Variants in DYNC2LI1 observed in about 807,000 individuals in gnomAD.
DYNC2LI1 encodes cytoplasmic dynein 2 light intermediate chain 1.
Under a neutral mutation model 51.9 loss-of-function variants are expected in DYNC2LI1, and 45 were observed. The ratio of observed to expected loss-of-function variants is 0.87; its 90% confidence interval spans 0.68 to 1.11. The LOEUF is 1.11. Ranked by LOEUF, DYNC2LI1 falls within the 50% of genes most tolerant of loss-of-function variation. The pLI, the probability that DYNC2LI1 is intolerant of heterozygous loss-of-function variation, is 0.00. For missense variants in DYNC2LI1, 490 were observed against 417.4 expected, an observed-to-expected ratio of 1.17 and a Z score of -1.51; for synonymous variants, 130 against 137.8, an observed-to-expected ratio of 0.94 and a Z score of 0.40.
At chr2:43,798,562 T>C (rs1665969473) in intron 8 of DYNC2LI1, among the ~76,000 whole-genome samples, 1 of 152,196 alleles carries the variant, frequency 6.6e-6, no homozygotes. Flanking sequence ...TAGGAACAGA[T>C]TACATTTGAT....
At chr2:43,776,623 A>G (rs901237244) in intron 1 of DYNC2LI1, among the ~76,000 whole-genome samples, 159 bp from the exon 2 acceptor site, 8 of 152,240 alleles carry the variant, frequency 5.3e-5, no homozygotes, top group African/African-American at 1.9e-4. Context: ...AAAATCATAG[A>G]ATGACTAATC....
downstream of DYNC2LI1, chr2:43,813,343 G>T: frequency 6.1e-6 from 9 of 1,468,718 alleles, no homozygotes; most frequent in Non-Finnish European, 8.6e-6. Context: ...GTCAGGTGTG[G>T]TTTATCTCAG....
At chr2:43,792,675 G>A (rs904823504) in intron 5 of DYNC2LI1, 1 of 1,540,410 alleles carries the variant, frequency 6.5e-7, no homozygotes, top group Non-Finnish European at 8.7e-7. Context: ...TCCTTCCCCA[G>A]CTCCTGGCAA....
intron 4 of DYNC2LI1, among the ~76,000 whole-genome samples, chr2:43,789,378 A>T (rs1036215587): frequency 3.9e-5 from 6 of 152,172 alleles, no homozygotes; most frequent in African/African-American, 1.4e-4. Flanking sequence ...CGCACTGTTG[A>T]TGTCTTCTGT....
the DYNC2LI1 span, chr2:43,823,917 A>T: frequency 1.4e-5 from 23 of 1,613,978 alleles, no homozygotes; most frequent in Admixed American, 2.0e-4. Flanking sequence ...ACTTACACAG[A>T]TTCACAGCGT....
At chr2:43,800,804 A>C in intron 8 of DYNC2LI1, 37 bp from the exon 9 acceptor site, 2 of 1,196,632 alleles carry the variant, frequency 1.7e-6, no homozygotes, top group Non-Finnish European at 2.4e-6. Flanking sequence ...TGATTGGAAA[A>C]TAGAGCATGT....
chr2:43,810,124 C>T, downstream of DYNC2LI1: 1 of 357,704 alleles, frequency 2.8e-6, no homozygotes, highest in South Asian at 1.1e-4. Flanking sequence ...GTTAAGTGCC[C>T]ACGTTAGACA....
chr2:43,813,245 A>G (rs1338184024), downstream of DYNC2LI1: 2 of 1,613,964 alleles, frequency 1.2e-6, no homozygotes, highest in Non-Finnish European at 1.7e-6. Context: ...AGGTTTTCTC[A>G]ATGAATTGAA....
chr2:43,799,530 C>A (rs1666005275), intron 8 of DYNC2LI1, among the ~76,000 whole-genome samples: 1 of 152,130 alleles, frequency 6.6e-6, no homozygotes, highest in African/African-American at 2.4e-5. Context: ...AAAAAGGAAT[C>A]AATAGAGTTT....
chr2:43,794,284 ATAAATAAG>A, intron 5 of DYNC2LI1, 165 bp from the exon 6 acceptor site: 1 of 599,106 alleles, frequency 1.7e-6, no homozygotes, highest in Non-Finnish European at 2.8e-6. Context: ...AAGTATTGGA[ATAAATAAG>A]GCTATGACTT....
intron 2 of DYNC2LI1, chr2:43,781,789 A>G (rs1427696005): frequency 6.6e-6 from 1 of 151,800 alleles, no homozygotes; most frequent in Non-Finnish European, 1.5e-5. Flanking sequence ...TTTTTAGTAG[A>G]GTTGGGGTTT....
Position 43,774,066 on chromosome 2 carries a change from G to A in DYNC2LI1, c.-73G>A, listed in dbSNP as rs574834602. The A allele has an allele frequency of 9.4e-6, 15 of 1,601,934 alleles. No homozygotes were observed. In the East Asian group the frequency reaches 2.0e-4, roughly 22 times the overall value. ...AAGGCCTCACTCCCAGACTCCTTGC[G>A]GAGCTCGCCGCCTGATTCTAGGCTG... On this transcript the variant is annotated 5_prime_UTR_variant, in exon 1 of 13. Coordinates refer to ENST00000260605, the MANE Select transcript of DYNC2LI1 (RefSeq NM_016008.4).
chr2:43,820,868 G>T, the DYNC2LI1 span, among the ~76,000 whole-genome samples: 1 of 152,090 alleles, frequency 6.6e-6, no homozygotes, highest in African/African-American at 2.4e-5. Flanking sequence ...TGGCCAGGCT[G>T]GTCTTGAACT....
At chr2:43,783,328 A>G (rs764679026) in intron 2 of DYNC2LI1, among the ~76,000 whole-genome samples, 192 bp from the exon 3 acceptor site, 3 of 152,206 alleles carry the variant, frequency 2.0e-5, no homozygotes, top group Admixed American at 6.5e-5. Context: ...TTACACTGTG[A>G]TGGAAAGTTG....
the DYNC2LI1 span, chr2:43,824,257 A>G: frequency 6.2e-7 from 1 of 1,614,222 alleles, no homozygotes; most frequent in Non-Finnish European, 8.5e-7. Context: ...CTCCAGGAGA[A>G]TCTTTGGTTT....
chr2:43,781,445 G>A (rs984662903), intron 2 of DYNC2LI1, among the ~76,000 whole-genome samples: 1 of 151,360 alleles, frequency 6.6e-6, no homozygotes, highest in Non-Finnish European at 1.5e-5. Context: ...TGAGGAAATT[G>A]GCTAGATATT....
At chr2:43,812,468 T>C (rs1028823603), downstream of DYNC2LI1, 2 of 152,320 alleles carry the variant, frequency 1.3e-5, no homozygotes, top group Admixed American at 1.3e-4. Context: ...CTGGTGTGCT[T>C]TGTTCACTGT....
chr2:43,792,797 C>CT, intron 5 of DYNC2LI1: 1 of 1,530,982 alleles, frequency 6.5e-7, no homozygotes, highest in South Asian at 1.2e-5. Flanking sequence ...ATAACGTCTT[C>CT]AGGGTTCTTC....
chr2:43,823,205 A>T, the DYNC2LI1 span, among the ~76,000 whole-genome samples: 1 of 152,148 alleles, frequency 6.6e-6, no homozygotes, highest in African/African-American at 2.4e-5. Context: ...AATTCACGAA[A>T]AGTACATGCA....
Sources: allele counts gnomAD v4.1 joint callset (sites outside exome capture counted in the v4.1 genomes callset), GRCh38; gene constraint gnomAD v4.1.1; transcripts MANE v1.5; gene names NCBI Gene and HGNC (gene_info 2026-07-23, HGNC 2026-07-21).